ZMYM2: variants seen among roughly 807,000 people sequenced by gnomAD.
ZMYM2 encodes the protein zinc finger MYM-type containing 2, also known as zinc finger MYM-type protein 2.
ZMYM2 carries 56 observed loss-of-function variants against 162.8 expected under a neutral mutation model. The ratio of observed to expected loss-of-function variants is 0.34; its 90% confidence interval spans 0.28 to 0.43. The LOEUF is 0.43. ZMYM2 is among the 20% of genes least tolerant of loss of function. The pLI is 1.00. For synonymous variants in ZMYM2, 510 were observed against 541.6 expected (o/e 0.94, Z 0.81); for missense variants, 1,275 against 1,621.8 (o/e 0.79, Z 3.67).
intron 2 of ZMYM2, among the ~76,000 whole-genome samples, chr13:19,961,623 G>A (rs1433251039): frequency 2.6e-5 from 4 of 152,106 alleles, no homozygotes; most frequent in Non-Finnish European, 5.9e-5. Context: ...AATTGGTTGT[G>A]TTTAGTAGAT....
chr13:19,970,006 A>AGTT, intron 2 of ZMYM2: 2 of 984,148 alleles, frequency 2.0e-6, no homozygotes, highest in Non-Finnish European at 2.4e-6. Context: ...TATTGATGCA[A>AGTT]GTATTGTTGT....
rs140209394 is a variant in ZMYM2, at chr13:20,002,454, C to T, written c.848-396C>T. 7.6e-3 allele frequency among the ~76,000 whole-genome samples: 1,158 copies of T among 152,154 alleles called. 14 individuals are homozygous for T. Among genetic ancestry groups the T allele is most frequent in the African/African-American group, 0.026 (1,093 of 41,494 alleles). On this transcript the variant is annotated intron_variant, in intron 3 of 24. Coordinates refer to ENST00000610343, the MANE Select transcript of ZMYM2 (RefSeq NM_197968.4). ...TTAAGTAGCTTCCCAATCTTGTAAG[C>T]GATGGAGCTAGAATGTGAACCATTC...
At chr13:20,014,038 C>T (rs1428476812) in intron 6 of ZMYM2, among the ~76,000 whole-genome samples, 1 of 152,014 alleles carries the variant, frequency 6.6e-6, no homozygotes, top group African/African-American at 2.4e-5. Flanking sequence ...CCTGTGAAGT[C>T]ATCTGATCTT....
Position 20,087,596 on chromosome 13 carries a change from A to G in ZMYM2, c.*1582A>G, listed in dbSNP as rs940719566. 2 of 185,064 alleles carry G rather than the reference A, an allele frequency of 1.1e-5. No homozygotes were observed. The highest frequency in any genetic ancestry group is 6.2e-5 in the Admixed American group (1 of 16,048). The allele number at this position is 185,064 out of a possible 1,614,324, so 11.5% of individuals were successfully genotyped here. ...ACAGCACACAAAAGAAATTTTCTCAATTCTGATTTGGAAAATTTCACAGGT... is the reference window on the plus strand; with the variant it reads ...ACAGCACACAAAAGAAATTTTCTCAGTTCTGATTTGGAAAATTTCACAGGT... On this transcript the variant is annotated 3_prime_UTR_variant, in exon 25 of 25. Coordinates refer to ENST00000610343, the MANE Select transcript of ZMYM2 (RefSeq NM_197968.4).
At chr13:19,917,799 T>C in the ZMYM2 span, among the ~76,000 whole-genome samples, 1 of 152,042 alleles carries the variant, frequency 6.6e-6, no homozygotes, top group East Asian at 1.9e-4. Flanking sequence ...TCTTGGCTCA[T>C]GCCTGCCCTA....
the ZMYM2 span, among the ~76,000 whole-genome samples, chr13:19,899,806 G>A: frequency 1.1e-5 from 1 of 94,038 alleles, no homozygotes; most frequent in Non-Finnish European, 1.9e-5. Flanking sequence ...GACAGACCAG[G>A]ACTCTGACTC....
rs772810405 is a variant in ZMYM2, at chr13:19,993,103, T to C, written c.31T>C (p.Leu11=). 8 of 1,612,256 alleles carry C rather than the reference T, an allele frequency of 5.0e-6. No individual in the cohort carries two copies. In the Admixed American group the frequency reaches 8.4e-5, roughly 17 times the overall value. Residue 11 remains leucine, a synonymous_variant, in exon 3 of 25, where the codon TTG becomes CTG. Transcript: ENST00000610343. MDTSSVGGLE[L]TDQTPVLLGS... ...CACAAGTTCAGTGGGAGGATTAGAATTGACTGATCAGACTCCTGTTTTATT... is the reference window on the plus strand; with the variant it reads ...CACAAGTTCAGTGGGAGGATTAGAACTGACTGATCAGACTCCTGTTTTATT...
At chr13:20,064,957 GT>G (rs1212174718) in intron 19 of ZMYM2, among the ~76,000 whole-genome samples, 15 of 152,142 alleles carry the variant, frequency 9.9e-5, no homozygotes, top group Non-Finnish European at 2.1e-4. Context: ...CTAGGGAGCT[GT>G]TTTTTCCACG....
At chr13:19,879,005 T>C in the ZMYM2 span, among the ~76,000 whole-genome samples, 1 of 152,224 alleles carries the variant, frequency 6.6e-6, no homozygotes, top group African/African-American at 2.4e-5. Flanking sequence ...CAAAGTCCAA[T>C]TTGTCAATTT....
the ZMYM2 span, among the ~76,000 whole-genome samples, chr13:19,918,362 T>C: frequency 6.6e-6 from 1 of 151,630 alleles, no homozygotes; most frequent in African/African-American, 2.4e-5. Context: ...GGAGAATCGC[T>C]TGAGCCTGGG....
intron 7 of ZMYM2, among the ~76,000 whole-genome samples, chr13:20,021,480 G>A (rs578237500): frequency 6.7e-6 from 1 of 150,262 alleles, no homozygotes; most frequent in Non-Finnish European, 1.5e-5. Flanking sequence ...ATGTTTTGTT[G>A]GACTTTGTTC....
chr13:20,024,149 G>C (rs1050710913), intron 7 of ZMYM2, among the ~76,000 whole-genome samples: 1 of 152,036 alleles, frequency 6.6e-6, no homozygotes, highest in East Asian at 1.9e-4. Flanking sequence ...TGGCCAGGCT[G>C]GTCTCGAACT....
chr13:19,943,495 C>T, the ZMYM2 span, among the ~76,000 whole-genome samples: 2 of 152,194 alleles, frequency 1.3e-5, no homozygotes, highest in East Asian at 1.9e-4. Context: ...AATTGAAAAC[C>T]ACCTGATGTT....
the ZMYM2 span, among the ~76,000 whole-genome samples, chr13:19,882,198 T>C: frequency 1.3e-5 from 2 of 152,076 alleles, no homozygotes; most frequent in Non-Finnish European, 2.9e-5. Flanking sequence ...TATTAAAAAC[T>C]TTTGTGCATC....
At chr13:20,061,819 C>G (rs1956256866) in intron 17 of ZMYM2, among the ~76,000 whole-genome samples, 1 of 152,108 alleles carries the variant, frequency 6.6e-6, no homozygotes, top group Admixed American at 6.6e-5. Context: ...AAACTCCTGA[C>G]CTCAGGTGAT....
intron 2 of ZMYM2, among the ~76,000 whole-genome samples, chr13:19,975,860 A>AT (rs1566193245): frequency 1.1e-5 from 1 of 87,762 alleles, no homozygotes; most frequent in Non-Finnish European, 2.6e-5. Flanking sequence ...TCCATTTTTA[A>AT]AATGTATGTA....
chr13:19,957,599 G>C (rs1252563529), upstream of ZMYM2, among the ~76,000 whole-genome samples: 1 of 152,208 alleles, frequency 6.6e-6, no homozygotes, highest in Non-Finnish European at 1.5e-5. Flanking sequence ...CGCTCCCCCC[G>C]GCGGCCGCAG....
chr13:19,957,577 T>C (rs1954623563), upstream of ZMYM2, among the ~76,000 whole-genome samples: 1 of 152,134 alleles, frequency 6.6e-6, no homozygotes, highest in Non-Finnish European at 1.5e-5. Context: ...TGTCGTCGTC[T>C]GTCCCTGACT....
the ZMYM2 span, among the ~76,000 whole-genome samples, chr13:19,879,521 T>C: frequency 6.6e-6 from 1 of 152,252 alleles, no homozygotes; most frequent in Non-Finnish European, 1.5e-5. Flanking sequence ...GTGTCTGTTA[T>C]GTCAGTACCA....
Sources: gnomAD v4.1 joint callset for allele counts (sites outside exome capture counted in the v4.1 genomes callset) on GRCh38, gnomAD v4.1.1 for gene constraint, MANE v1.5 for transcripts, NCBI Gene and HGNC (gene_info 2026-07-23, HGNC 2026-07-21) for gene names.